The following DDX27 variants were observed in gnomAD, a reference collection of about 807,000 sequenced individuals.
DDX27 encodes probable ATP-dependent RNA helicase DDX27.
In DDX27, 42 loss-of-function variants were observed where a neutral mutation model predicts 99.3. The observed-to-expected ratio is 0.42, with a 90% confidence interval of 0.33 to 0.55. The LOEUF (loss-of-function observed/expected upper bound fraction) is 0.55, where lower values mean the gene tolerates loss of function less well. Among genes scored for constraint, DDX27 ranks in the 20% least tolerant of loss-of-function variants. The pLI is 0.07. For synonymous variants in DDX27, 329 were observed against 353.8 expected (o/e 0.93, Z 0.79); for missense variants, 798 against 976.8 (o/e 0.82, Z 2.44).
At chr20:49,234,218 C>G (rs1489621039) in intron 11 of DDX27, 1 of 153,708 alleles carries the variant, frequency 6.5e-6, no homozygotes, top group Admixed American at 6.4e-5. Context: ...GGGATCCCAG[C>G]CTTGGAGGCT....
chr20:49,222,691 T>C lies in DDX27; in HGVS notation c.241-266T>C, dbSNP rs535068289. Among the ~76,000 whole-genome samples, 4 of 152,150 alleles carry C rather than the reference T, an allele frequency of 2.6e-5. No homozygotes were observed. The East Asian group carries it at 7.7e-4, about 29-fold the overall frequency. On this transcript the variant is annotated intron_variant, in intron 2 of 20. Transcript: ENST00000618172. Reference sequence around the variant, plus strand: ...CACCACACCCGGCTAATTTTGTATTTTTTTAGTAGAGACAGGGTTTCTCCA... The same window carrying C: ...CACCACACCCGGCTAATTTTGTATTCTTTTAGTAGAGACAGGGTTTCTCCA...
At chr20:49,240,832 T>C (rs1444127467) in intron 16 of DDX27, among the ~76,000 whole-genome samples, 1 of 152,066 alleles carries the variant, frequency 6.6e-6, no homozygotes, top group Non-Finnish European at 1.5e-5. Flanking sequence ...CTGGGCAGCA[T>C]GGCAAAACCC....
intron 16 of DDX27, among the ~76,000 whole-genome samples, chr20:49,240,805 A>G (rs1245706646): frequency 5.3e-5 from 8 of 152,006 alleles, no homozygotes; most frequent in African/African-American, 2.4e-5. Context: ...GTTGTTTACA[A>G]TCATTTGTCA....
chr20:49,238,042 T>C (rs1211326938), intron 14 of DDX27: 1 of 152,228 alleles, frequency 6.6e-6, no homozygotes, highest in African/African-American at 2.4e-5. Flanking sequence ...ATTTTTGAGA[T>C]GGAGTCTTGC....
rs36048579 is a variant in DDX27, at chr20:49,226,857, C to CTTTTTTTTTTTTTT, written c.706+332_706+345dup. 6.3e-5 allele frequency among the ~76,000 whole-genome samples: 4 copies of CTTTTTTTTTTTTTT among 63,466 alleles called. 1 individual carries two copies. The highest frequency in any genetic ancestry group is 8.3e-5 in the Non-Finnish European group (3 of 36,356). 41.6% of individuals were successfully genotyped at this position (63,466 alleles called of 152,430 possible). A position where few individuals can be genotyped will look rare whatever the true frequency, so the allele number is the denominator to read the frequency against. ...CTGGTGCAATTGAGAGAGTAAAGGA[C>CTTTTTTTTTTTTTT]TTTTTTTTTTTTTTTTTTTTTTTGA... On this transcript the variant is annotated intron_variant, in intron 7 of 20. Coordinates refer to ENST00000618172, the MANE Select transcript of DDX27 (RefSeq NM_017895.8).
intron 20 of DDX27, 55 bp from the exon 21 acceptor site, chr20:49,243,761 A>C: frequency 2.5e-6 from 4 of 1,614,096 alleles, no homozygotes; most frequent in Middle Eastern, 3.3e-4. Context: ...AAAACCTTTC[A>C]TGGAAAAGAA....
intron 9 of DDX27, 100 bp downstream of exon 9, chr20:49,230,449 C>T: frequency 1.4e-6 from 2 of 1,407,882 alleles, no homozygotes; most frequent in Non-Finnish European, 1.9e-6. Flanking sequence ...GGCTCTGGGC[C>T]ATGGCTGTTG....
At chr20:49,226,921 G>C (rs897760019) in intron 7 of DDX27, among the ~76,000 whole-genome samples, 39 of 131,862 alleles carry the variant, frequency 3.0e-4, no homozygotes, top group African/African-American at 7.5e-4. Flanking sequence ...GGAGTGCAGT[G>C]GCGGGATCTC....
In DDX27 at chr20:49,242,966, C is replaced by T. The variant is rs1033924833; in HGVS notation, c.2204+285C>T. ...CGATCTCTTGACCTCCTGATCCACC[C>T]GCCTCAGCCTCCCAAAGTGCTGGGA... On this transcript the variant is annotated intron_variant, in intron 19 of 20. Transcript: ENST00000618172. 9.9e-5 allele frequency among the ~76,000 whole-genome samples: 15 copies of T among 152,096 alleles called. No homozygotes were observed. The East Asian group carries it at 1.7e-3, about 18-fold the overall frequency.
At chr20:49,243,366 AG>A (rs1463186935) in intron 19 of DDX27, among the ~76,000 whole-genome samples, 1 of 152,170 alleles carries the variant, frequency 6.6e-6, no homozygotes, top group Non-Finnish European at 1.5e-5. Context: ...CCCCAGCCCA[AG>A]GTTGGGGCAG....
rs1263057807 is a variant in DDX27 at position 49,242,646 on chromosome 20, C to T, written c.2169C>T (p.Asn723=). The T allele has an allele frequency of 1.9e-6, 3 of 1,613,846 alleles. No homozygotes were observed. Among genetic ancestry groups the T allele is most frequent in the South Asian group, 1.1e-5 (1 of 91,090 alleles). The change falls in exon 19 of 21, where the codon AAC becomes AAT. Residue 723 remains asparagine, a synonymous_variant. Coordinates refer to ENST00000618172, the MANE Select transcript of DDX27 (RefSeq NM_017895.8). ...CTGTATTTGATGAAGAACTCACCAA[C>T]ACAAGCAAGAAGGCCCTGAAACAGT... The part of the protein sequence containing the change: ...KKSVFDEELT[N]TSKKALKQYR...
Position 49,221,471 on chromosome 20 carries a change from G to A in DDX27, c.113G>A (p.Arg38Lys), listed in dbSNP as rs1979682918. ...TCCCAGGGGCCCATTGTGCTGGGCA[G>A]ACGACAAAAAGCTTTGGGGAAGAAC... ...EEEEGPIVLGRRQKALGKNRS... is the reference protein window; with the variant it reads ...EEEEGPIVLGKRQKALGKNRS... Residue 38 changes from arginine to lysine, a missense_variant, in exon 2 of 21, where the codon AGA becomes AAA. Coordinates refer to ENST00000618172, the MANE Select transcript of DDX27 (RefSeq NM_017895.8). 1 of 1,613,416 alleles carries A rather than the reference G, an allele frequency of 6.2e-7. No individual in the cohort carries two copies. Among genetic ancestry groups the A allele is most frequent in the Admixed American group, 1.7e-5 (1 of 59,972 alleles).
chr20:49,242,054 C>T, intron 17 of DDX27, 29 bp from the exon 18 acceptor site: 1 of 1,614,000 alleles, frequency 6.2e-7, no homozygotes, highest in East Asian at 2.2e-5. Flanking sequence ...CTGGTGTGTT[C>T]CACACTCACA....
chr20:49,237,351 G>A (rs1358598733), intron 14 of DDX27, among the ~76,000 whole-genome samples: 1 of 139,808 alleles, frequency 7.2e-6, no homozygotes, highest in Non-Finnish European at 1.5e-5. Context: ...TGAAAAGTAC[G>A]TATTTATTGT....
intron 9 of DDX27, among the ~76,000 whole-genome samples, chr20:49,230,561 A>C (rs567112643): frequency 6.6e-6 from 1 of 152,214 alleles, no homozygotes; most frequent in Non-Finnish European, 1.5e-5. Flanking sequence ...TTAAGTGATA[A>C]GGCTGGTCAA....
intron 6 of DDX27, among the ~76,000 whole-genome samples, chr20:49,225,904 C>G (rs1286383348): frequency 6.6e-6 from 1 of 152,168 alleles, no homozygotes; most frequent in African/African-American, 2.4e-5. Flanking sequence ...GACGACACCT[C>G]CTGGCACTCG....
chr20:49,232,013 G>A (rs1336773278), intron 9 of DDX27, among the ~76,000 whole-genome samples: 1 of 151,688 alleles, frequency 6.6e-6, no homozygotes, highest in African/African-American at 2.4e-5. Context: ...GTCCCCCGAC[G>A]TAGCTACTAC....
chr20:49,238,428 A>C (rs1436192731), intron 14 of DDX27: 1 of 157,036 alleles, frequency 6.4e-6, no homozygotes, highest in African/African-American at 2.4e-5. Flanking sequence ...CAGCCTCCTG[A>C]GTAGGTGGGA....
rs1395142290 is a variant in DDX27 at position 49,243,837 on chromosome 20, G to C, written c.*3G>C. ...ACAGATACAAGAGGAGGAAGTAGCT[G>C]TCGTGGCCTGAAGAAATTCATGGGG... On this transcript the variant is annotated 3_prime_UTR_variant, in exon 21 of 21. Coordinates refer to ENST00000618172, the MANE Select transcript of DDX27 (RefSeq NM_017895.8). 1 of 1,614,142 alleles carries C rather than the reference G, an allele frequency of 6.2e-7. No homozygotes were observed. The highest frequency in any genetic ancestry group is 8.5e-7 in the Non-Finnish European group (1 of 1,180,024).
Sources: gnomAD v4.1 joint callset for allele counts (sites outside exome capture counted in the v4.1 genomes callset) on GRCh38, gnomAD v4.1.1 for gene constraint, MANE v1.5 for transcripts, NCBI Gene and HGNC (gene_info 2026-07-23, HGNC 2026-07-21) for gene names.